Variants in DMD observed in about 807,000 individuals in gnomAD.
DMD encodes dystrophin.
In DMD, 63 loss-of-function variants were observed where a neutral mutation model predicts 330.1. The ratio of observed to expected loss-of-function variants is 0.19; its 90% CI spans 0.16 to 0.24. DMD has a LOEUF of 0.24. Among genes scored for constraint, DMD ranks in the 10% least tolerant of loss-of-function variants. DMD has a pLI of 1.00. For synonymous variants in DMD, 1,223 were observed against 959.8 expected (o/e 1.27, Z -5.07); for missense variants, 3,344 against 2,684.1 (o/e 1.25, Z -5.43).
intron 44 of DMD, among the ~76,000 whole-genome samples, chrX:32,045,645 T>C (rs1390210930): frequency 8.9e-6 from 1 of 111,854 alleles, no homozygotes; most frequent in Non-Finnish European, 1.9e-5. Flanking sequence ...TTTATTCCTA[T>C]TGTATCTACT....
intron 41 of DMD, among the ~76,000 whole-genome samples, chrX:32,336,215 T>C (rs1323807937): frequency 2.7e-5 from 3 of 110,650 alleles, no homozygotes; most frequent in African/African-American, 9.8e-5. Flanking sequence ...TGACATGTTA[T>C]ATATGTTAGC....
At position 31,209,710 on chromosome X, in the gene DMD, CAAAT is replaced by C. The variant is rs1210954808; in HGVS notation, c.9362-15_9362-12del. 3.3e-6 allele frequency: 4 copies of C among 1,201,036 alleles called. No individual in the cohort carries two copies. The African/African-American group carries it at 7.0e-5, about 21-fold the overall frequency. On this transcript the variant is annotated splice_polypyrimidine_tract_variant and intron_variant, in intron 64 of 78. Coordinates refer to ENST00000357033, the MANE Select transcript of DMD (RefSeq NM_004006.3). The stretch of plus-strand genomic sequence containing the variant: ...GGCTCAAGAGATCCACTGCAAAAAA[CAAAT>C]AAAATCACAAATGACTCAAAGAGTA...
chrX:32,528,905 CTTTTTTTT>C (rs35476358), intron 17 of DMD, among the ~76,000 whole-genome samples: 2 of 59,857 alleles, frequency 3.3e-5, no homozygotes, highest in African/African-American at 1.3e-4. Flanking sequence ...CAATGTATTT[CTTTTTTTT>C]TTTTTTTTTT....
At chrX:33,205,556 C>T (rs1311193190) in intron 1 of DMD, among the ~76,000 whole-genome samples, 8 of 111,683 alleles carry the variant, frequency 7.2e-5, no homozygotes, top group African/African-American at 3.3e-5. Context: ...AAGATGAGTG[C>T]CAGGAATGAG....
At chrX:32,311,374 C>G (rs2097561865) in intron 41 of DMD, among the ~76,000 whole-genome samples, 1 of 110,982 alleles carries the variant, frequency 9.0e-6, no homozygotes, top group South Asian at 3.8e-4. Flanking sequence ...GGATACTAGA[C>G]TGAACCCCAC....
chrX:31,497,434 C>T (rs1054875961), intron 56 of DMD, among the ~76,000 whole-genome samples: 1 of 111,625 alleles, frequency 9.0e-6, no homozygotes, highest in Non-Finnish European at 1.9e-5. Flanking sequence ...CCTTTCTGCT[C>T]CTCTTCCCAA....
chrX:31,622,996 T>C (rs1297126510), intron 55 of DMD, among the ~76,000 whole-genome samples: 1 of 107,815 alleles, frequency 9.3e-6, no homozygotes, highest in Non-Finnish European at 1.9e-5. Context: ...TCACACTCTT[T>C]AGACAACAAT....
chrX:32,143,599 G>C (rs1446692427), intron 44 of DMD, among the ~76,000 whole-genome samples: 2 of 107,906 alleles, frequency 1.9e-5, no homozygotes, highest in African/African-American at 6.8e-5. Context: ...CTGGAGTGCA[G>C]TGGCCTGACC....
chrX:32,579,059 C>A (rs2053371351), intron 13 of DMD, among the ~76,000 whole-genome samples: 1 of 110,723 alleles, frequency 9.0e-6, no homozygotes, highest in East Asian at 2.8e-4. Context: ...TTGAAAAAAA[C>A]AAAAATCCAT....
At chrX:31,321,607 A>AAAAAAAAAAAAAAAAG (rs1388525572) in intron 62 of DMD, among the ~76,000 whole-genome samples, 3 of 89,284 alleles carry the variant, frequency 3.4e-5, no homozygotes, top group Admixed American at 1.1e-4. Context: ...AAAAAAAAAA[A>AAAAAAAAAAAAAAAAG]AAAGAAAGAA....
At chrX:31,721,714 C>CTATA (rs1381619508) in intron 52 of DMD, among the ~76,000 whole-genome samples, 19 of 60,696 alleles carry the variant, frequency 3.1e-4, no homozygotes, top group South Asian at 8.5e-4. Context: ...CTCTCTCTCT[C>CTATA]TCTCTATATA....
intron 29 of DMD, among the ~76,000 whole-genome samples, chrX:32,436,237 T>A (rs765733637): frequency 9.3e-4 from 104 of 111,824 alleles, no homozygotes; most frequent in Non-Finnish European, 1.7e-3. Flanking sequence ...TAAGGTATTC[T>A]TTAGAGATCT....
At chrX:31,434,416 G>GCA (rs1224316070) in intron 60 of DMD, among the ~76,000 whole-genome samples, 4 of 66,372 alleles carry the variant, frequency 6.0e-5, no homozygotes, top group African/African-American at 3.0e-4. Flanking sequence ...TGCAGCGCGC[G>GCA]CGCACACACA....
At chrX:31,987,118 T>C (rs770891249) in intron 44 of DMD, among the ~76,000 whole-genome samples, 26 of 112,489 alleles carry the variant, frequency 2.3e-4, no homozygotes, top group Admixed American at 2.2e-3. Context: ...ATATTTGCTA[T>C]TGACCTATTC....
intron 52 of DMD, among the ~76,000 whole-genome samples, chrX:31,707,838 C>A (rs2084314670): frequency 9.1e-6 from 1 of 110,018 alleles, no homozygotes; most frequent in Admixed American, 9.7e-5. Flanking sequence ...GACACTAAGC[C>A]CGAATCTCCC....
chrX:31,169,377 C>T, intron 74 of DMD, 66 bp downstream of exon 74: 1 of 858,022 alleles, frequency 1.2e-6, no homozygotes. Flanking sequence ...AGATTCCTGG[C>T]ACTTTTCTAT....
chrX:31,161,056 G>C (rs902056783), intron 74 of DMD, among the ~76,000 whole-genome samples: 1 of 111,313 alleles, frequency 9.0e-6, no homozygotes. Flanking sequence ...CTCTTTCATA[G>C]GGTTGTTTTA....
intron 1 of DMD, among the ~76,000 whole-genome samples, chrX:33,220,791 C>T (rs2052159745): frequency 9.0e-6 from 1 of 111,267 alleles, no homozygotes; most frequent in South Asian, 3.7e-4. Flanking sequence ...TTTAGCTTCT[C>T]CTCACTCCCA....
At chrX:32,590,789 A>G (rs1281337751) in intron 13 of DMD, among the ~76,000 whole-genome samples, 1 of 110,939 alleles carries the variant, frequency 9.0e-6, no homozygotes, top group Admixed American at 9.6e-5. Context: ...AGGCTTTTGG[A>G]CTTGGACTGC....
Sources: allele counts gnomAD v4.1 joint callset (sites outside exome capture counted in the v4.1 genomes callset), GRCh38; gene constraint gnomAD v4.1.1; transcripts MANE v1.5; gene names NCBI Gene and HGNC (gene_info 2026-07-23, HGNC 2026-07-21).